Variants in MACROD2 observed in about 807,000 individuals in gnomAD.
MACROD2 encodes mono-ADP ribosylhydrolase 2.
MACROD2 carries 36 observed loss-of-function variants against 70.4 expected under a neutral mutation model. The observed-to-expected ratio is 0.51, with a 90% CI of 0.39 to 0.68. The LOEUF (loss-of-function observed/expected upper bound fraction) is 0.68. Among genes scored for constraint, MACROD2 ranks in the 30% least tolerant of loss-of-function variants. The pLI is 0.00. For synonymous variants in MACROD2, 172 were observed against 178.8 expected (o/e 0.96, Z 0.30); for missense variants, 496 against 538.4 (o/e 0.92, Z 0.78).
chr20:15,515,934 G>A (rs73098203), intron 8 of MACROD2, among the ~76,000 whole-genome samples: 321 of 152,294 alleles, frequency 2.1e-3, no homozygotes, highest in Non-Finnish European at 3.2e-3. Context: ...AAAATGGGAA[G>A]CTTATCCTCA....
At chr20:14,356,405 T>A (rs989241181) in intron 3 of MACROD2, among the ~76,000 whole-genome samples, 7 of 152,110 alleles carry the variant, frequency 4.6e-5, no homozygotes, top group African/African-American at 1.7e-4. Flanking sequence ...TGAAATAACT[T>A]ATTTAGTCCA....
rs189484693 is a variant in MACROD2, at chr20:15,377,647, T to C, written c.541-53758T>C. Among the ~76,000 whole-genome samples the C allele has an allele frequency of 1.2e-4, 19 of 152,344 alleles. No homozygotes were observed. In the East Asian group the frequency reaches 3.1e-3, roughly 25 times the overall value. On this transcript the variant is annotated intron_variant, in intron 6 of 17. Transcript: ENST00000684519. ...ATATTTTCACTAATACAGTACTTTG[T>C]CCTCCTGGGTAAGAAAGAAGCTCTC...
At chr20:15,916,604 C>G (rs2065320466) in intron 10 of MACROD2, among the ~76,000 whole-genome samples, 1 of 152,230 alleles carries the variant, frequency 6.6e-6, no homozygotes, top group Admixed American at 6.5e-5. Flanking sequence ...GTCTCTGTCT[C>G]TGCTTTTGGA....
intron 5 of MACROD2, among the ~76,000 whole-genome samples, chr20:14,786,967 A>G (rs1600663330): frequency 6.6e-6 from 1 of 152,234 alleles, no homozygotes; most frequent in East Asian, 1.9e-4. Context: ...GGGAAATTCA[A>G]ATGATCATAG....
intron 3 of MACROD2, chr20:14,327,540 C>T (rs1459953728): frequency 6.4e-7 from 1 of 1,562,706 alleles, no homozygotes; most frequent in Non-Finnish European, 8.7e-7. Context: ...TACAAGGTAG[C>T]TTCCGTTACT....
At chr20:15,856,860 G>A (rs980580020) in intron 8 of MACROD2, among the ~76,000 whole-genome samples, 11 of 152,128 alleles carry the variant, frequency 7.2e-5, no homozygotes, top group Admixed American at 3.3e-4. Context: ...AATTACAAGC[G>A]GGGATGGAAA....
intron 2 of MACROD2, among the ~76,000 whole-genome samples, chr20:14,064,412 C>T (rs1303655621): frequency 6.6e-6 from 1 of 152,126 alleles, no homozygotes; most frequent in African/African-American, 2.4e-5. Context: ...GAGTACTCTG[C>T]AGGAAATTAA....
In MACROD2 at chr20:14,083,620, C is replaced by T. The variant is rs149716973; in HGVS notation, c.164-2001C>T. On this transcript the variant is annotated intron_variant, in intron 2 of 17. Transcript: ENST00000684519. The stretch of plus-strand genomic sequence containing the variant: ...AGGAAAGTCTGCTCTTTCCCACTAT[C>T]TGGCAGAGATAAATAGTACTGTAGG... 7.1e-4 allele frequency among the ~76,000 whole-genome samples: 108 copies of T among 152,238 alleles called. 1 individual carries two copies. Among genetic ancestry groups the T allele is most frequent in the African/African-American group, 2.5e-3 (105 of 41,534 alleles).
intron 5 of MACROD2, among the ~76,000 whole-genome samples, chr20:14,773,780 T>C (rs1034127094): frequency 1.3e-5 from 2 of 152,052 alleles, no homozygotes; most frequent in Non-Finnish European, 2.9e-5. Flanking sequence ...AGGGCTGCCA[T>C]AATAAAGTAC....
At chr20:15,550,602 C>T (rs940329914) in intron 8 of MACROD2, among the ~76,000 whole-genome samples, 1 of 152,164 alleles carries the variant, frequency 6.6e-6, no homozygotes, top group African/African-American at 2.4e-5. Context: ...AGAAGTGACA[C>T]TCTGACACTG....
At chr20:15,979,148 A>G (rs959104280) in intron 13 of MACROD2, among the ~76,000 whole-genome samples, 86 of 152,226 alleles carry the variant, frequency 5.6e-4, no homozygotes, top group African/African-American at 1.9e-3. Flanking sequence ...GAGGGGTTAT[A>G]TAAGTCAGCT....
intron 5 of MACROD2, among the ~76,000 whole-genome samples, chr20:14,824,400 T>A (rs2072879848): frequency 6.6e-6 from 1 of 152,106 alleles, no homozygotes; most frequent in Non-Finnish European, 1.5e-5. Flanking sequence ...GCAACAATTA[T>A]TGATTTGCTC....
At chr20:15,519,229 G>GC (rs2047616950) in intron 8 of MACROD2, among the ~76,000 whole-genome samples, 2 of 152,084 alleles carry the variant, frequency 1.3e-5, no homozygotes, top group South Asian at 4.1e-4. Context: ...TCCTGTCTCA[G>GC]CCTCCCAAGT....
At chr20:14,161,191 CTTTTTTTT>C (rs376789442) in intron 3 of MACROD2, among the ~76,000 whole-genome samples, 1 of 136,932 alleles carries the variant, frequency 7.3e-6, no homozygotes, top group Admixed American at 7.4e-5. Flanking sequence ...TTTTCTTTTT[CTTTTTTTT>C]TTTTTTTGAG....
chr20:14,026,766 T>C (rs1601129890), intron 2 of MACROD2, among the ~76,000 whole-genome samples: 1 of 152,212 alleles, frequency 6.6e-6, no homozygotes, highest in East Asian at 1.9e-4. Flanking sequence ...TCTCTCTGGC[T>C]CCCCTTAACA....
At chr20:14,571,758 T>C (rs1980208693) in intron 4 of MACROD2, among the ~76,000 whole-genome samples, 1 of 152,076 alleles carries the variant, frequency 6.6e-6, no homozygotes, top group South Asian at 2.1e-4. Flanking sequence ...GAAATAGATT[T>C]AGCTTACAAT....
At chr20:14,702,711 GTA>G (rs1356719698) in intron 5 of MACROD2, among the ~76,000 whole-genome samples, 2 of 141,524 alleles carry the variant, frequency 1.4e-5, no homozygotes, top group Non-Finnish European at 3.1e-5. Flanking sequence ...ATATATGTGT[GTA>G]TATATATGTG....
chr20:14,048,424 G>A (rs192081652), intron 2 of MACROD2, among the ~76,000 whole-genome samples: 20 of 152,128 alleles, frequency 1.3e-4, no homozygotes, highest in African/African-American at 4.1e-4. Flanking sequence ...ATTTCCTTAG[G>A]AAGGAACTCA....
chr20:14,507,027 A>T (rs1213639090), intron 4 of MACROD2, among the ~76,000 whole-genome samples: 2 of 152,304 alleles, frequency 1.3e-5, no homozygotes, highest in East Asian at 3.9e-4. Flanking sequence ...AAAAAATGGG[A>T]CATTCAAATA....
Sources: allele counts gnomAD v4.1 joint callset (sites outside exome capture counted in the v4.1 genomes callset), GRCh38; gene constraint gnomAD v4.1.1; transcripts MANE v1.5; gene names NCBI Gene and HGNC (gene_info 2026-07-23, HGNC 2026-07-21).